Variants in PLA2G4E observed in about 807,000 individuals in gnomAD.
PLA2G4E encodes phospholipase A2 group IVE, also known as cytosolic phospholipase A2 epsilon.
A neutral mutation model predicts 109.1 loss-of-function variants in PLA2G4E; 84 were observed. The ratio of observed to expected loss-of-function variants is 0.77; its 90% CI spans 0.65 to 0.92. PLA2G4E has a LOEUF of 0.92. Ranked by LOEUF, PLA2G4E falls within the 40% of genes least tolerant of loss-of-function variation. The probability of loss-of-function intolerance (pLI) is 0.00; values close to 1 mark genes in which losing one functional copy is unlikely to be tolerated. For synonymous variants in PLA2G4E, 469 were observed against 436.1 expected, an observed-to-expected ratio of 1.08 and a Z score of -0.94; for missense variants, 1,057 against 1,076.6, an observed-to-expected ratio of 0.98 and a Z score of 0.25.
exon 20 of PLA2G4E, chr15:41,982,509 C>T (rs1328175837): frequency 1.3e-5 from 2 of 152,214 alleles, no homozygotes; most frequent in African/African-American, 2.4e-5. Context: ...GTGTTGACAA[C>T]ACAGATAAGA....
intron 1 of PLA2G4E, among the ~76,000 whole-genome samples, chr15:42,024,660 A>C (rs1595573567): frequency 6.6e-6 from 1 of 151,280 alleles, no homozygotes; most frequent in Admixed American, 6.6e-5. Context: ...CTTCCTTCCC[A>C]CCTCCTGCCA....
At chr15:41,986,174 T>C (rs552019645) in intron 17 of PLA2G4E, among the ~76,000 whole-genome samples, 169 bp from the exon 18 acceptor site, 1 of 152,142 alleles carries the variant, frequency 6.6e-6, no homozygotes, top group Non-Finnish European at 1.5e-5. Flanking sequence ...AACAGCGTTA[T>C]CTTGGGCTTT....
intron 2 of PLA2G4E, chr15:42,010,163 T>A (rs1179925926): frequency 2.2e-6 from 1 of 449,020 alleles, no homozygotes; most frequent in Non-Finnish European, 4.4e-6. Flanking sequence ...ACCACACCCT[T>A]CAGGTCTGTC....
chr15:41,981,914 G>A (rs1290568540), exon 20 of PLA2G4E: 1 of 152,192 alleles, frequency 6.6e-6, no homozygotes, highest in Non-Finnish European at 1.5e-5. Context: ...CAAGCTCATG[G>A]GAGGGAGTGG....
At chr15:42,041,814 ACCAGGTC>A in intron 1 of PLA2G4E, among the ~76,000 whole-genome samples, 1 of 152,312 alleles carries the variant, frequency 6.6e-6, no homozygotes, top group South Asian at 2.1e-4. Flanking sequence ...ACACTTGGTC[ACCAGGTC>A]CCTTTGCTGA....
At chr15:42,026,935 T>G (rs2068697510) in intron 1 of PLA2G4E, among the ~76,000 whole-genome samples, 1 of 150,174 alleles carries the variant, frequency 6.7e-6, no homozygotes, top group Non-Finnish European at 1.5e-5. Flanking sequence ...ATCACACCAC[T>G]GCCCTCCAAC....
intron 1 of PLA2G4E, among the ~76,000 whole-genome samples, chr15:42,015,404 G>A (rs534114679): frequency 6.6e-5 from 10 of 152,290 alleles, no homozygotes; most frequent in East Asian, 5.8e-4. Flanking sequence ...TGTGGGAGCC[G>A]CTCCCGTTTC....
At chr15:41,982,273 G>C (rs1428781144) in exon 20 of PLA2G4E, 1 of 152,210 alleles carries the variant, frequency 6.6e-6, no homozygotes, top group African/African-American at 2.4e-5. Flanking sequence ...GCCTGGGCCT[G>C]TCAGTGGCTC....
intron 2 of PLA2G4E, chr15:42,010,139 C>G (rs547803435): frequency 4.4e-5 from 21 of 476,822 alleles, no homozygotes; most frequent in Admixed American, 1.8e-4. Flanking sequence ...CTGGCCCCCC[C>G]ACCCCGGGCC....
intron 1 of PLA2G4E, among the ~76,000 whole-genome samples, chr15:42,046,988 T>C (rs140646809): frequency 8.0e-4 from 122 of 152,246 alleles, no homozygotes; most frequent in Middle Eastern, 3.4e-3. Context: ...GCCTGATCCA[T>C]AGGGGTGGTC....
chr15:42,019,471 T>A (rs1046225354), intron 1 of PLA2G4E, among the ~76,000 whole-genome samples: 1 of 152,070 alleles, frequency 6.6e-6, no homozygotes, highest in Admixed American at 6.5e-5. Context: ...CTGGGGAGCC[T>A]GGAGAGAGGG....
intron 1 of PLA2G4E, among the ~76,000 whole-genome samples, chr15:42,016,675 T>G (rs1394589034): frequency 1.3e-5 from 2 of 152,156 alleles, no homozygotes; most frequent in Non-Finnish European, 2.9e-5. Flanking sequence ...GAATGCTGAT[T>G]CTGGGAAGGT....
chr15:42,015,869 G>T lies in PLA2G4E; in HGVS notation c.184-2112C>A, dbSNP rs1704372. Among the ~76,000 whole-genome samples the T allele has an allele frequency of 5.4e-4, 82 of 152,106 alleles. 1 individual carries two copies. The highest frequency in any genetic ancestry group is 6.8e-3 in the Middle Eastern group (2 of 294). On this transcript the variant is annotated intron_variant, in intron 1 of 19. Transcript: ENST00000399518. Reference sequence around the variant, plus strand: ...CACCCGGGAAGGGGCAGCCTCGCACGGGTTCTCTTCAGGTGTCCTGGTTCT... The same window carrying T: ...CACCCGGGAAGGGGCAGCCTCGCACTGGTTCTCTTCAGGTGTCCTGGTTCT...
At chr15:42,037,540 G>T (rs1595578163) in intron 1 of PLA2G4E, among the ~76,000 whole-genome samples, 1 of 152,358 alleles carries the variant, frequency 6.6e-6, no homozygotes, top group African/African-American at 2.4e-5. Flanking sequence ...CCTCCCACTT[G>T]TCTGTGTACC....
At chr15:42,035,193 A>C (rs1313840642) in intron 1 of PLA2G4E, among the ~76,000 whole-genome samples, 2 of 152,132 alleles carry the variant, frequency 1.3e-5, no homozygotes, top group East Asian at 3.8e-4. Flanking sequence ...TCCTTCTCTC[A>C]TCTTCCTGTT....
chr15:41,987,328 G>A (rs2068158407), exon 17 of PLA2G4E: 1 of 1,613,876 alleles, frequency 6.2e-7, no homozygotes, highest in African/African-American at 1.3e-5. Flanking sequence ...GTGGTCTCCA[G>A]GATGTTAGCA....
chr15:42,009,744 A>T (rs190816255), intron 2 of PLA2G4E: 3 of 166,976 alleles, frequency 1.8e-5, no homozygotes, highest in Non-Finnish European at 3.9e-5. Flanking sequence ...AGCCAAACAC[A>T]GTCACTTGTA....
At chr15:42,006,630 C>T (rs2068479967) in intron 3 of PLA2G4E, among the ~76,000 whole-genome samples, 1 of 152,166 alleles carries the variant, frequency 6.6e-6, no homozygotes, top group Non-Finnish European at 1.5e-5. Context: ...GAACTCTATC[C>T]TTTGACTCAT....
Position 41,997,266 on chromosome 15 carries a change from GGA to G in PLA2G4E, c.975-9_975-8del. ...CACGTCCAGTGTCTCAGGGCTGGAG[GGA>G]GAGAGGACCCTGTATTGGGCCTGCA... On this transcript the variant is annotated splice_region_variant and splice_polypyrimidine_tract_variant and intron_variant, in intron 10 of 19. Coordinates refer to ENST00000399518, the Ensembl canonical transcript of PLA2G4E. 3 of 1,539,786 alleles carry G rather than the reference GGA, an allele frequency of 1.9e-6. No homozygotes were observed. Among genetic ancestry groups the G allele is most frequent in the Non-Finnish European group, 2.6e-6 (3 of 1,140,006 alleles).
Sources: allele counts gnomAD v4.1 joint callset (sites outside exome capture counted in the v4.1 genomes callset), GRCh38; gene constraint gnomAD v4.1.1; transcripts MANE v1.5; gene names NCBI Gene and HGNC (gene_info 2026-07-23, HGNC 2026-07-21).